Variants in NR6A1 observed in about 807,000 individuals in gnomAD.
NR6A1 encodes nuclear receptor subfamily 6 group A member 1, also known as retinoic acid receptor-related testis-associated receptor.
A neutral mutation model predicts 59.1 loss-of-function variants in NR6A1; 7 were observed. That is an observed-to-expected ratio of 0.12 (90% CI 0.07 to 0.22). The LOEUF (loss-of-function observed/expected upper bound fraction) is 0.22. NR6A1 is among the 10% of genes least tolerant of loss of function. The probability of loss-of-function intolerance (pLI) is 1.00; values close to 1 mark genes in which losing one functional copy is unlikely to be tolerated. For missense variants in NR6A1, 468 were observed against 611.6 expected (o/e 0.77, Z 2.48); for synonymous variants, 243 against 236.1 (o/e 1.03, Z -0.27).
intron 2 of NR6A1, among the ~76,000 whole-genome samples, chr9:124,643,594 C>G (rs1181891981): frequency 5.6e-5 from 8 of 143,662 alleles, no homozygotes; most frequent in Non-Finnish European, 1.2e-4. Flanking sequence ...GAGCGAGACC[C>G]AATCTCAAAA....
intron 3 of NR6A1, among the ~76,000 whole-genome samples, chr9:124,548,606 T>C (rs1394836305): frequency 6.6e-6 from 1 of 152,232 alleles, no homozygotes; most frequent in Non-Finnish European, 1.5e-5. Context: ...TTATCCCTCC[T>C]TGAGATTTCT....
intron 1 of NR6A1, among the ~76,000 whole-genome samples, chr9:124,750,576 T>C (rs937608702): frequency 6.6e-6 from 1 of 151,926 alleles, no homozygotes; most frequent in East Asian, 1.9e-4. Flanking sequence ...CTGGCCAATA[T>C]GGTGAAACCC....
At chr9:124,584,248 C>T (rs2131467966) in intron 2 of NR6A1, among the ~76,000 whole-genome samples, 1 of 152,074 alleles carries the variant, frequency 6.6e-6, no homozygotes. Flanking sequence ...GCTGGGATTA[C>T]AGGCGTATGC....
intron 2 of NR6A1, among the ~76,000 whole-genome samples, chr9:124,689,117 C>T (rs1838439640): frequency 6.6e-6 from 1 of 152,116 alleles, no homozygotes; most frequent in Non-Finnish European, 1.5e-5. Flanking sequence ...TTTTTATTAG[C>T]ATATATGGCC....
chr9:124,547,509 G>A (rs996977505), intron 3 of NR6A1, among the ~76,000 whole-genome samples: 1 of 152,128 alleles, frequency 6.6e-6, no homozygotes, highest in African/African-American at 2.4e-5. Flanking sequence ...TATGTTGCCT[G>A]TACTCAGAAA....
intron 2 of NR6A1, among the ~76,000 whole-genome samples, chr9:124,638,138 C>T (rs1007909258): frequency 6.6e-6 from 1 of 151,634 alleles, no homozygotes; most frequent in African/African-American, 2.4e-5. Flanking sequence ...TACCTGTAGT[C>T]CTAGCTACTC....
chr9:124,612,933 C>G (rs1835797371), intron 2 of NR6A1, among the ~76,000 whole-genome samples: 1 of 152,024 alleles, frequency 6.6e-6, no homozygotes, highest in Admixed American at 6.6e-5. Context: ...TTTAAAATGC[C>G]CATGCCATTT....
chr9:124,570,582 C>G (rs1480593957), intron 2 of NR6A1, among the ~76,000 whole-genome samples: 7 of 152,174 alleles, frequency 4.6e-5, no homozygotes, highest in Admixed American at 6.5e-5. Context: ...TTCTTATCTC[C>G]TCTATGTGGG....
intron 2 of NR6A1, among the ~76,000 whole-genome samples, chr9:124,700,831 G>A (rs1300376802): frequency 7.2e-6 from 1 of 139,518 alleles, no homozygotes; most frequent in Admixed American, 8.0e-5. Context: ...TGCAATCTCA[G>A]CTCACTGCAA....
chr9:124,538,917 A>C (rs895296814), intron 5 of NR6A1, among the ~76,000 whole-genome samples: 29 of 152,138 alleles, frequency 1.9e-4, no homozygotes, highest in African/African-American at 6.3e-4. Flanking sequence ...AAAAAAAAAA[A>C]AAAACCTAAG....
intron 1 of NR6A1, among the ~76,000 whole-genome samples, chr9:124,759,365 A>G (rs528025615): frequency 6.6e-6 from 1 of 152,342 alleles, no homozygotes; most frequent in East Asian, 1.9e-4. Context: ...CAGGAGAACC[A>G]TGTTTCCAAA....
chr9:124,748,221 T>G (rs1840390158), intron 1 of NR6A1, among the ~76,000 whole-genome samples: 1 of 152,200 alleles, frequency 6.6e-6, no homozygotes, highest in African/African-American at 2.4e-5. Flanking sequence ...CTACTCCCTC[T>G]GTACTTAGAT....
At chr9:124,567,117 AAAAT>A (rs1291106513) in intron 2 of NR6A1, among the ~76,000 whole-genome samples, 3 of 151,940 alleles carry the variant, frequency 2.0e-5, no homozygotes, top group Non-Finnish European at 4.4e-5. Flanking sequence ...CAAAAAAAAA[AAAAT>A]AAATAAAAAT....
At chr9:124,694,048 A>G (rs1838659691) in intron 2 of NR6A1, among the ~76,000 whole-genome samples, 1 of 152,220 alleles carries the variant, frequency 6.6e-6, no homozygotes, top group Non-Finnish European at 1.5e-5. Context: ...AAAAATCAGT[A>G]CATTCAGAAT....
rs1443767178 is a variant in NR6A1 at position 124,538,206 on chromosome 9, G to T, written c.710C>A (p.Pro237Gln). The T allele has an allele frequency of 6.2e-7, 1 of 1,614,212 alleles. No individual in the cohort carries two copies. The highest frequency in any genetic ancestry group is 1.7e-5 in the Admixed American group (1 of 60,034). The change falls in exon 6 of 10, where the codon CCA becomes CAA. Residue 237 changes from proline to glutamine, a missense_variant. Around this residue, in one of 4 missense-constraint regions of NR6A1, gnomAD observed 151 missense variants for 142.8 expected, o/e 1.06. Transcript: ENST00000487099. ...PHLFSYSGHS[P>Q]LLPQQARSLD... ...GCTGCGAGCTTGTTGGGGCAGAAGTGGTGAGTGGCCAGAATAGCTAAAAAG... is the reference window on the plus strand; with the variant it reads ...GCTGCGAGCTTGTTGGGGCAGAAGTTGTGAGTGGCCAGAATAGCTAAAAAG...
intron 2 of NR6A1, among the ~76,000 whole-genome samples, chr9:124,661,650 T>C (rs572824492): frequency 6.6e-6 from 1 of 152,230 alleles, no homozygotes; most frequent in East Asian, 1.9e-4. Context: ...GTAAACATAA[T>C]AGCAACCTTT....
chr9:124,526,639 T>C, intron 8 of NR6A1, 140 bp downstream of exon 8: 1 of 1,259,654 alleles, frequency 7.9e-7, no homozygotes, highest in Admixed American at 1.9e-5. Context: ...GGTGCACAAG[T>C]CTTCCTGGAT....
intron 2 of NR6A1, among the ~76,000 whole-genome samples, chr9:124,594,857 G>C (rs1835226595): frequency 6.6e-6 from 1 of 152,214 alleles, no homozygotes; most frequent in Non-Finnish European, 1.5e-5. Flanking sequence ...TAGCCACGCT[G>C]CAAGAGGCTG....
Position 124,557,295 on chromosome 9 carries a change from T to C in NR6A1, c.143-2725A>G, listed in dbSNP as rs905048064. The stretch of plus-strand genomic sequence containing the variant: ...GATTACAGGAACGTGCCACCATGCC[T>C]GGCTAATTTTTGTATTTTCAGTAGA... On this transcript the variant is annotated intron_variant, in intron 2 of 9. Coordinates refer to ENST00000487099, the MANE Select transcript of NR6A1 (RefSeq NM_033334.4). 9.2e-5 allele frequency among the ~76,000 whole-genome samples: 14 copies of C among 152,002 alleles called. 1 individual carries two copies. Among genetic ancestry groups the C allele is most frequent in the Non-Finnish European group, 1.9e-4 (13 of 67,996 alleles).
Sources: allele counts gnomAD v4.1 joint callset (sites outside exome capture counted in the v4.1 genomes callset), GRCh38; gene constraint gnomAD v4.1.1; regional missense constraint gnomAD v4.1.1; transcripts MANE v1.5; gene names NCBI Gene and HGNC (gene_info 2026-07-23, HGNC 2026-07-21).